Variants in CADPS observed in about 807,000 individuals in gnomAD.
The protein encoded by CADPS is calcium-dependent secretion activator 1.
A neutral mutation model predicts 167.3 loss-of-function variants in CADPS; 57 were observed. The observed-to-expected ratio is 0.34, with a 90% CI of 0.28 to 0.42. The LOEUF (loss-of-function observed/expected upper bound fraction) is 0.42. Among genes scored for constraint, CADPS ranks in the 20% least tolerant of loss-of-function variants. CADPS has a pLI of 1.00. For synonymous variants in CADPS, 676 were observed against 635.3 expected (o/e 1.06, Z -0.96); for missense variants, 1,414 against 1,738.1 (o/e 0.81, Z 3.32).
intron 23 of CADPS, among the ~76,000 whole-genome samples, chr3:62,476,133 CA>C (rs2061293041): frequency 6.6e-6 from 1 of 152,104 alleles, no homozygotes; most frequent in African/African-American, 2.4e-5. Flanking sequence ...AAATGTCTGT[CA>C]AATTGATGAA....
intron 1 of CADPS, among the ~76,000 whole-genome samples, chr3:62,802,578 G>C (rs1000650991): frequency 6.6e-6 from 1 of 152,134 alleles, no homozygotes; most frequent in African/African-American, 2.4e-5. Context: ...CTGGCTGATG[G>C]ATTTCGATGA....
rs150583188 is a variant in CADPS, at chr3:62,638,680, C to T, written c.1325+7042G>A. On this transcript the variant is annotated intron_variant, in intron 6 of 29. Coordinates refer to ENST00000383710, the MANE Select transcript of CADPS (RefSeq NM_003716.4). ...GGAGTATCAACGTCTAACTGACAAA[C>T]TCCAGCCACTACTTGATCATCCCAT... is the stretch of plus-strand genomic sequence containing the variant. 2.0e-5 allele frequency among the ~76,000 whole-genome samples: 3 copies of T among 152,252 alleles called. No homozygotes were observed. The East Asian group carries it at 5.8e-4, about 29-fold the overall frequency.
At chr3:62,451,618 G>A (rs554933542) in intron 26 of CADPS, among the ~76,000 whole-genome samples, 1 of 151,960 alleles carries the variant, frequency 6.6e-6, no homozygotes, top group African/African-American at 2.4e-5. Flanking sequence ...AAAAAAAAAG[G>A]AAAAAAACAA....
chr3:62,667,986 G>A (rs1563597787), intron 3 of CADPS, among the ~76,000 whole-genome samples: 1 of 152,092 alleles, frequency 6.6e-6, no homozygotes, highest in Non-Finnish European at 1.5e-5. Context: ...GCGCCTGGGA[G>A]ACACCCTTGG....
chr3:62,526,762 G>C (rs2072342907), intron 13 of CADPS, among the ~76,000 whole-genome samples: 1 of 152,076 alleles, frequency 6.6e-6, no homozygotes, highest in Non-Finnish European at 1.5e-5. Context: ...TAAAAAGTTA[G>C]TTCAAACTAA....
At chr3:62,565,482 TG>T (rs2079981937) in intron 9 of CADPS, among the ~76,000 whole-genome samples, 1 of 152,164 alleles carries the variant, frequency 6.6e-6, no homozygotes, top group Non-Finnish European at 1.5e-5. Context: ...CAGTATCTCC[TG>T]GGGTGCCTTT....
chr3:62,597,689 A>T (rs2148942502), intron 6 of CADPS, among the ~76,000 whole-genome samples: 1 of 152,242 alleles, frequency 6.6e-6, no homozygotes, highest in Admixed American at 6.5e-5. Context: ...CATCAGCTGG[A>T]CGGAATTCAG....
At chr3:62,487,540 G>A (rs1043413029) in intron 21 of CADPS, among the ~76,000 whole-genome samples, 4 of 152,304 alleles carry the variant, frequency 2.6e-5, no homozygotes, top group East Asian at 3.9e-4. Context: ...GCTATGGTTA[G>A]AAGCAAAGAG....
At chr3:62,824,611 CCA>C (rs1338647453) in intron 1 of CADPS, among the ~76,000 whole-genome samples, 1 of 152,112 alleles carries the variant, frequency 6.6e-6, no homozygotes, top group African/African-American at 2.4e-5. Flanking sequence ...AAACAAAAAT[CCA>C]CAGTGGTAAA....
At position 62,796,710 on chromosome 3, in the gene CADPS, G is replaced by A. The variant is rs113470032; in HGVS notation, c.442-30726C>T. 9.5e-4 allele frequency among the ~76,000 whole-genome samples: 145 copies of A among 152,190 alleles called. 3 individuals are homozygous for A. The South Asian group carries it at 0.01, about 11-fold the overall frequency. Reference sequence around the variant, plus strand: ...AAACCATTTCTGATTCAACTTAAATGACCTGCATAAATATTTTATAACCAT... The same window carrying A: ...AAACCATTTCTGATTCAACTTAAATAACCTGCATAAATATTTTATAACCAT... On this transcript the variant is annotated intron_variant, in intron 1 of 29. Coordinates refer to ENST00000383710, the MANE Select transcript of CADPS (RefSeq NM_003716.4).
intron 1 of CADPS, among the ~76,000 whole-genome samples, chr3:62,812,507 G>A (rs1308732943): frequency 1.3e-5 from 2 of 152,098 alleles, no homozygotes; most frequent in Non-Finnish European, 2.9e-5. Flanking sequence ...ATTTAGAATC[G>A]GGGTAAAGGT....
intron 1 of CADPS, among the ~76,000 whole-genome samples, chr3:62,856,758 C>A (rs2079767802): frequency 6.6e-6 from 1 of 151,312 alleles, no homozygotes; most frequent in South Asian, 2.1e-4. Flanking sequence ...AACTAGAGAG[C>A]AAATAGATTT....
chr3:62,850,219 A>C (rs1276963070), intron 1 of CADPS, among the ~76,000 whole-genome samples: 2 of 135,996 alleles, frequency 1.5e-5, no homozygotes, highest in East Asian at 4.0e-4. Flanking sequence ...CCTTTCAAAA[A>C]ACCAGCTCCT....
intron 10 of CADPS, among the ~76,000 whole-genome samples, chr3:62,554,153 C>G (rs1001339532): frequency 6.6e-6 from 1 of 152,182 alleles, no homozygotes. Context: ...TATTTGAAGG[C>G]TTAATTATCT....
intron 7 of CADPS, among the ~76,000 whole-genome samples, chr3:62,592,073 T>C (rs1018537444): frequency 5.9e-5 from 9 of 152,116 alleles, no homozygotes; most frequent in African/African-American, 2.2e-4. Context: ...AGTAAATCGG[T>C]TTACTGATCC....
chr3:62,794,556 T>C (rs1226512548), intron 1 of CADPS, among the ~76,000 whole-genome samples: 1 of 152,168 alleles, frequency 6.6e-6, no homozygotes, highest in Non-Finnish European at 1.5e-5. Context: ...GCATAAGATG[T>C]TTGATATAGT....
At chr3:62,782,241 T>G (rs2091768301) in intron 1 of CADPS, among the ~76,000 whole-genome samples, 1 of 152,160 alleles carries the variant, frequency 6.6e-6, no homozygotes. Flanking sequence ...CTCTCTAAAG[T>G]TTAACATCAG....
chr3:62,457,752 G>A (rs577248021), intron 26 of CADPS, among the ~76,000 whole-genome samples: 21 of 152,262 alleles, frequency 1.4e-4, no homozygotes, highest in East Asian at 7.7e-4. Flanking sequence ...ATACTACACA[G>A]CCATAAAAAA....
chr3:62,691,430 G>C (rs534661307), intron 3 of CADPS, among the ~76,000 whole-genome samples: 2 of 151,890 alleles, frequency 1.3e-5, no homozygotes. Context: ...GTAGGGGAAG[G>C]AGGAATATAG....
Sources: gnomAD v4.1 joint callset for allele counts (sites outside exome capture counted in the v4.1 genomes callset) on GRCh38, gnomAD v4.1.1 for gene constraint, MANE v1.5 for transcripts, NCBI Gene and HGNC (gene_info 2026-07-23, HGNC 2026-07-21) for gene names.